ZBTB44: variants seen among roughly 807,000 people sequenced by gnomAD.
ZBTB44 encodes zinc finger and BTB domain-containing protein 44.
A neutral mutation model predicts 54.0 loss-of-function variants in ZBTB44; 15 were observed. The ratio of observed to expected loss-of-function variants is 0.28; its 90% CI spans 0.19 to 0.43. The LOEUF (loss-of-function observed/expected upper bound fraction) is 0.43, where lower values mean the gene tolerates loss of function less well. ZBTB44 is among the 20% of genes least tolerant of loss of function. The probability of loss-of-function intolerance (pLI) is 1.00; values close to 1 mark genes in which losing one functional copy is unlikely to be tolerated. For synonymous variants in ZBTB44, 230 were observed against 250.1 expected (o/e 0.92, Z 0.76); for missense variants, 487 against 707.1 (o/e 0.69, Z 3.53).
At chr11:130,244,447 C>T (rs913826500) in intron 2 of ZBTB44, among the ~76,000 whole-genome samples, 8 of 152,028 alleles carry the variant, frequency 5.3e-5, no homozygotes, top group Admixed American at 2.0e-4. Flanking sequence ...GTGGGTGGAT[C>T]ACAAGGTCAG....
Position 130,313,965 on chromosome 11 carries a change from TA to T in ZBTB44, c.-57+409del, listed in dbSNP as rs1458014747. On this transcript the variant is annotated intron_variant, in intron 1 of 7. Coordinates refer to ENST00000357899, the MANE Select transcript of ZBTB44 (RefSeq NM_001301098.2). ...GTGTGTGTGTATATATATATATATA[TA>T]TTTTTTTAAAGAAGTGCCATCTTTT... Among the ~76,000 whole-genome samples, 539 of 127,624 alleles carry T rather than the reference TA, an allele frequency of 4.2e-3. 7 individuals carry two copies. In the East Asian group the frequency reaches 0.043, roughly 10 times the overall value. The allele number at this position is 127,624 out of a possible 152,430, so 83.7% of individuals were successfully genotyped here.
intron 2 of ZBTB44, among the ~76,000 whole-genome samples, chr11:130,255,714 A>AT (rs1175368379): frequency 1.3e-5 from 2 of 152,096 alleles, no homozygotes; most frequent in African/African-American, 2.4e-5. Context: ...GATAAAAGGG[A>AT]TGTCATTATT....
At chr11:130,276,239 A>AAAAAAAAAAAAAG (rs1364226052) in intron 1 of ZBTB44, among the ~76,000 whole-genome samples, 6 of 142,416 alleles carry the variant, frequency 4.2e-5, no homozygotes, top group African/African-American at 1.6e-4. Flanking sequence ...TCTCAAAAAA[A>AAAAAAAAAAAAAG]AAAAAAAGAA....
At chr11:130,262,629 C>A (rs965612460) in intron 1 of ZBTB44, among the ~76,000 whole-genome samples, 1 of 151,964 alleles carries the variant, frequency 6.6e-6, no homozygotes, top group African/African-American at 2.4e-5. Context: ...GCAGGCAATG[C>A]CAGTGTAAAC....
Position 130,261,703 on chromosome 11 carries a change from G to A in ZBTB44, c.171C>T (p.Arg57=), listed in dbSNP as rs1247936969. 2 of 1,614,028 alleles carry A rather than the reference G, an allele frequency of 1.2e-6. No individual in the cohort carries two copies. Among genetic ancestry groups the A allele is most frequent in the Admixed American group, 1.7e-5 (1 of 60,030 alleles). ...CCTCGGCTTGGCCTACAAGTTTGGT[G>A]CGAAAGAAATCACTGCAAGCTGCTA... is the stretch of plus-strand genomic sequence containing the variant. ...VVLAACSDFF[R]TKLVGQAEDE... Residue 57 remains arginine, a synonymous_variant, in exon 2 of 8, where the codon CGC becomes CGT. Coordinates refer to ENST00000357899, the MANE Select transcript of ZBTB44 (RefSeq NM_001301098.2). The surrounding 1 kb of genome is among the most constrained non-coding windows in gnomAD (Gnocchi z 4.8).
chr11:130,313,806 T>C (rs1019061787), intron 1 of ZBTB44, among the ~76,000 whole-genome samples: 2 of 152,276 alleles, frequency 1.3e-5, no homozygotes, highest in African/African-American at 4.8e-5. Flanking sequence ...TTTTAATCAG[T>C]TCTAACGTAC....
chr11:130,285,290 CTT>C (rs1217111966), intron 1 of ZBTB44: 13 of 122,982 alleles, frequency 1.1e-4, no homozygotes, highest in Non-Finnish European at 1.4e-4. Flanking sequence ...TTCTTGTTTT[CTT>C]TTTTTTTTTT....
At chr11:130,298,860 A>AC (rs1941831191) in intron 1 of ZBTB44, among the ~76,000 whole-genome samples, 1 of 148,914 alleles carries the variant, frequency 6.7e-6, no homozygotes, top group African/African-American at 2.5e-5. Context: ...CACACACACA[A>AC]AACCATCAGT....
chr11:130,313,938 T>TGTTTGTG lies in ZBTB44; in HGVS notation c.-57+436_-57+437insCACAAAC, dbSNP rs1565346586. On this transcript the variant is annotated intron_variant, in intron 1 of 7. Coordinates refer to ENST00000357899, the MANE Select transcript of ZBTB44 (RefSeq NM_001301098.2). ...TGTGTGTGTGTATGTGTGTGTGTGT[T>TGTTTGTG]TGTGTGTGTGTATATATATATATAT... 2.4e-3 allele frequency among the ~76,000 whole-genome samples: 241 copies of TGTTTGTG among 98,482 alleles called. 1 individual carries two copies. Among genetic ancestry groups the TGTTTGTG allele is most frequent in the African/African-American group, 8.0e-3 (234 of 29,318 alleles). The allele number at this position is 98,482 out of a possible 152,430, so 64.6% of individuals were successfully genotyped here.
At chr11:130,297,483 T>C (rs911743104) in intron 1 of ZBTB44, among the ~76,000 whole-genome samples, 2 of 152,272 alleles carry the variant, frequency 1.3e-5, no homozygotes, top group Non-Finnish European at 2.9e-5. Flanking sequence ...AATTGGGTTC[T>C]CTAAAAAGAT....
intron 1 of ZBTB44, among the ~76,000 whole-genome samples, chr11:130,278,611 A>C (rs1940276590): frequency 6.6e-6 from 1 of 152,196 alleles, no homozygotes; most frequent in African/African-American, 2.4e-5. Flanking sequence ...GTTTTGCTGA[A>C]GCTCTACTCA....
At chr11:130,253,251 T>C (rs867708470) in intron 2 of ZBTB44, among the ~76,000 whole-genome samples, 1 of 152,178 alleles carries the variant, frequency 6.6e-6, no homozygotes, top group Admixed American at 6.5e-5. Context: ...TAAAGGGTAT[T>C]CAATTACGAA....
chr11:130,313,219 T>G (rs1942729148), intron 1 of ZBTB44, among the ~76,000 whole-genome samples: 1 of 152,242 alleles, frequency 6.6e-6, no homozygotes, highest in South Asian at 2.1e-4. Context: ...GTTGTAATTC[T>G]TCGTATCACT....
At chr11:130,309,289 C>T (rs1592085762) in intron 1 of ZBTB44, among the ~76,000 whole-genome samples, 1 of 152,208 alleles carries the variant, frequency 6.6e-6, no homozygotes, top group African/African-American at 2.4e-5. Flanking sequence ...TTACCACCTG[C>T]AACGCCAGCC....
At chr11:130,277,210 C>A (rs918281230) in intron 1 of ZBTB44, among the ~76,000 whole-genome samples, 1 of 152,246 alleles carries the variant, frequency 6.6e-6, no homozygotes, top group Admixed American at 6.5e-5. Context: ...TCCTTTAGTG[C>A]TTACTTTTGT....
chr11:130,295,760 T>C, intron 1 of ZBTB44: 1 of 1,509,546 alleles, frequency 6.6e-7, no homozygotes, highest in Non-Finnish European at 9.2e-7. Flanking sequence ...TTCTCAAACC[T>C]GCAGTAGAAC....
intron 1 of ZBTB44, among the ~76,000 whole-genome samples, chr11:130,270,054 C>T (rs1403034396): frequency 6.6e-6 from 1 of 152,116 alleles, no homozygotes; most frequent in Non-Finnish European, 1.5e-5. Context: ...CGAAGTAGCT[C>T]TTAGCATATA....
chr11:130,295,623 C>G, intron 1 of ZBTB44: 2 of 826,126 alleles, frequency 2.4e-6, no homozygotes, highest in Non-Finnish European at 2.0e-6. Flanking sequence ...AATGAAAACT[C>G]TGAAGTTAAA....
intron 1 of ZBTB44, among the ~76,000 whole-genome samples, chr11:130,303,963 T>C (rs977227788): frequency 6.6e-6 from 1 of 152,204 alleles, no homozygotes; most frequent in Non-Finnish European, 1.5e-5. Flanking sequence ...GGGTAAGTTA[T>C]GTAAAACTGT....
Sources: gnomAD v4.1 joint callset for allele counts (sites outside exome capture counted in the v4.1 genomes callset) on GRCh38, gnomAD v4.1.1 for gene constraint, Gnocchi (gnomAD v3.1) non-coding constraint, MANE v1.5 for transcripts, NCBI Gene and HGNC (gene_info 2026-07-23, HGNC 2026-07-21) for gene names.